UBE2F: variants seen among roughly 807,000 people sequenced by gnomAD.
UBE2F encodes the protein ubiquitin conjugating enzyme E2 F (putative), also known as NEDD8-conjugating enzyme UBE2F.
A neutral mutation model predicts 29.6 loss-of-function variants in UBE2F; 5 were observed. The ratio of observed to expected loss-of-function variants is 0.17; its 90% CI spans 0.09 to 0.36. UBE2F has a LOEUF of 0.36. Among genes scored for constraint, UBE2F ranks in the 10% least tolerant of loss-of-function variants. UBE2F has a pLI of 1.00. For synonymous variants in UBE2F, 66 were observed against 81.8 expected, an observed-to-expected ratio of 0.81 and a Z score of 1.04; for missense variants, 141 against 228.5, an observed-to-expected ratio of 0.62 and a Z score of 2.47.
At chr2:238,006,928 GT>G (rs1553555906) in intron 4 of UBE2F, among the ~76,000 whole-genome samples, 1 of 151,798 alleles carries the variant, frequency 6.6e-6, no homozygotes, top group Non-Finnish European at 1.5e-5. Flanking sequence ...GCTAATTTTT[GT>G]ATTTTTAGTA....
chr2:238,037,822 T>A (rs1188547010), intron 9 of UBE2F, among the ~76,000 whole-genome samples: 1 of 152,188 alleles, frequency 6.6e-6, no homozygotes, highest in African/African-American at 2.4e-5. Context: ...TTGCCCATGC[T>A]GGTCTCAAAC....
chr2:238,035,790 G>C (rs1015711487), intron 8 of UBE2F, 88 bp from the exon 9 acceptor site: 14 of 1,082,106 alleles, frequency 1.3e-5, no homozygotes, highest in Non-Finnish European at 1.9e-5. Flanking sequence ...TTGCTAATTA[G>C]ACTTCTCTTA....
intron 4 of UBE2F, among the ~76,000 whole-genome samples, chr2:237,997,014 G>A (rs1164347417): frequency 6.6e-6 from 1 of 152,118 alleles, no homozygotes; most frequent in Non-Finnish European, 1.5e-5. Context: ...TTGAGGTCAG[G>A]AGTTCGAGAC....
chr2:237,996,010 A>T (rs905340066), intron 4 of UBE2F, among the ~76,000 whole-genome samples: 2 of 152,234 alleles, frequency 1.3e-5, no homozygotes, highest in Non-Finnish European at 2.9e-5. Flanking sequence ...CATGCCTGAC[A>T]TCTATAGATA....
chr2:238,016,469 CTCTG>C, intron 4 of UBE2F, 93 bp from the exon 5 acceptor site: 1 of 1,031,602 alleles, frequency 9.7e-7, no homozygotes, highest in Non-Finnish European at 1.4e-6. Flanking sequence ...ACTCCTGATT[CTCTG>C]TATTTGCCAT....
intron 5 of UBE2F, among the ~76,000 whole-genome samples, chr2:238,023,719 GTGATT>G (rs1171139891): frequency 6.6e-6 from 1 of 152,208 alleles, no homozygotes; most frequent in Non-Finnish European, 1.5e-5. Flanking sequence ...ATGAGATCCT[GTGATT>G]TGACACTTCT....
intron 6 of UBE2F, among the ~76,000 whole-genome samples, chr2:238,028,435 C>G (rs2064486353): frequency 6.6e-6 from 1 of 152,180 alleles, no homozygotes; most frequent in Non-Finnish European, 1.5e-5. Context: ...GCATTAAGAT[C>G]TATATAAGAA....
At chr2:237,991,826 C>T (rs1352564626) in intron 3 of UBE2F, among the ~76,000 whole-genome samples, 2 of 150,698 alleles carry the variant, frequency 1.3e-5, no homozygotes, top group East Asian at 1.9e-4. Context: ...TGAGCCGCTG[C>T]GCCTGGCATA....
chr2:238,010,722 T>C (rs537617646), intron 4 of UBE2F, among the ~76,000 whole-genome samples: 2 of 152,256 alleles, frequency 1.3e-5, no homozygotes, highest in East Asian at 1.9e-4. Flanking sequence ...ATCAGAATGC[T>C]TTACCCTGAA....
chr2:238,021,378 C>T (rs978156783), intron 5 of UBE2F, among the ~76,000 whole-genome samples: 1 of 152,300 alleles, frequency 6.6e-6, no homozygotes, highest in Non-Finnish European at 1.5e-5. Context: ...GGAATTGAGA[C>T]AACACGGCCA....
chr2:238,003,255 G>T, intron 4 of UBE2F: 4 of 353,458 alleles, frequency 1.1e-5, no homozygotes, highest in East Asian at 8.3e-5. Context: ...CAATTTTCTT[G>T]CGATGTAGAA....
At chr2:238,033,914 T>A (rs188658511) in intron 8 of UBE2F, among the ~76,000 whole-genome samples, 14 of 152,328 alleles carry the variant, frequency 9.2e-5, no homozygotes, top group African/African-American at 3.1e-4. Context: ...ATTGTAATAT[T>A]GAGCCTTGGC....
intron 4 of UBE2F, among the ~76,000 whole-genome samples, chr2:238,016,350 C>G (rs1394234983): frequency 2.0e-5 from 3 of 152,118 alleles, no homozygotes; most frequent in Non-Finnish European, 4.4e-5. Context: ...AGAAGACAGA[C>G]AGGCAGGTGA....
At chr2:237,987,377 T>C (rs751445844) in intron 2 of UBE2F, among the ~76,000 whole-genome samples, 8 of 152,204 alleles carry the variant, frequency 5.3e-5, no homozygotes, top group Admixed American at 6.5e-5. Context: ...TCTTGTCTGA[T>C]TGCTCTGGTT....
intron 3 of UBE2F, among the ~76,000 whole-genome samples, chr2:237,992,148 G>A (rs1171840756): frequency 1.3e-5 from 2 of 152,320 alleles, no homozygotes; most frequent in Admixed American, 1.3e-4. Flanking sequence ...TTACAGGCAT[G>A]AGCCACTGCG....
intron 4 of UBE2F, among the ~76,000 whole-genome samples, chr2:238,011,252 C>T (rs2064020790): frequency 6.6e-6 from 1 of 152,236 alleles, no homozygotes; most frequent in Non-Finnish European, 1.5e-5. Flanking sequence ...TCTTCCTCCA[C>T]CTCACTCTCT....
At chr2:238,021,690 G>C (rs1162848017) in intron 5 of UBE2F, among the ~76,000 whole-genome samples, 1 of 152,214 alleles carries the variant, frequency 6.6e-6, no homozygotes, top group East Asian at 1.9e-4. Context: ...TTTCTGTAAA[G>C]GGCTAAGCAA....
chr2:238,001,544 C>G (rs1290328961), intron 4 of UBE2F, among the ~76,000 whole-genome samples: 2 of 152,018 alleles, frequency 1.3e-5, no homozygotes, highest in African/African-American at 4.8e-5. Context: ...TAGGCCGGGC[C>G]CAGTGGCTCA....
At chr2:237,986,540 C>T (rs1223677129) in intron 2 of UBE2F, among the ~76,000 whole-genome samples, 2 of 152,030 alleles carry the variant, frequency 1.3e-5, no homozygotes, top group Non-Finnish European at 2.9e-5. Context: ...CTTATTTTTG[C>T]TTTTGTTCTC....
Sources: allele counts gnomAD v4.1 joint callset (sites outside exome capture counted in the v4.1 genomes callset), GRCh38; gene constraint gnomAD v4.1.1; transcripts MANE v1.5; gene names NCBI Gene and HGNC (gene_info 2026-07-23, HGNC 2026-07-21).